Variants in ACSF3 observed in about 807,000 individuals in gnomAD.
The protein encoded by ACSF3 is acyl-CoA synthetase family member 3.
In ACSF3, 78 loss-of-function variants were observed where a neutral mutation model predicts 53.2. That is an observed-to-expected ratio of 1.47 (90% CI 1.22 to 1.77). ACSF3 has a LOEUF of 1.77. ACSF3 is among the 40% of genes most tolerant of loss of function. ACSF3 has a pLI of 0.00. For missense variants in ACSF3, 937 were observed against 771.1 expected (o/e 1.22, Z -2.55); for synonymous variants, 414 against 333.1 (o/e 1.24, Z -2.65).
chr16:89,147,061 C>T (rs1020315566), intron 10 of ACSF3, among the ~76,000 whole-genome samples: 23 of 151,312 alleles, frequency 1.5e-4, no homozygotes, highest in African/African-American at 5.3e-4. Flanking sequence ...GGGGAGGCCT[C>T]AGGAAACTTA....
chr16:89,102,989 T>C (rs1975542087), intron 4 of ACSF3, among the ~76,000 whole-genome samples: 1 of 152,266 alleles, frequency 6.6e-6, no homozygotes, highest in Non-Finnish European at 1.5e-5. Flanking sequence ...GTACCTACGA[T>C]GCTTTTTGCT....
chr16:89,135,021 G>A (rs1247729927), intron 8 of ACSF3, among the ~76,000 whole-genome samples: 3 of 150,828 alleles, frequency 2.0e-5, no homozygotes, highest in Non-Finnish European at 4.4e-5. Context: ...AGATGTGCAC[G>A]TTGCTCCTGA....
chr16:89,106,571 C>T (rs549869579), intron 4 of ACSF3, among the ~76,000 whole-genome samples: 6 of 152,328 alleles, frequency 3.9e-5, no homozygotes, highest in East Asian at 1.9e-4. Flanking sequence ...GGATTACAGA[C>T]GTAAGCCACT....
intron 4 of ACSF3, among the ~76,000 whole-genome samples, chr16:89,103,699 G>A (rs1379821736): frequency 6.6e-6 from 1 of 152,234 alleles, no homozygotes; most frequent in Non-Finnish European, 1.5e-5. Flanking sequence ...TGGCCCAGCT[G>A]GAGAGCTGCT....
intron 7 of ACSF3, among the ~76,000 whole-genome samples, chr16:89,132,511 C>G (rs1344368505): frequency 6.6e-6 from 1 of 152,200 alleles, no homozygotes; most frequent in African/African-American, 2.4e-5. Flanking sequence ...AATAGAAGAA[C>G]AGTGAGGCTG....
At chr16:89,116,349 C>T (rs908926347) in intron 6 of ACSF3, among the ~76,000 whole-genome samples, 7 of 152,088 alleles carry the variant, frequency 4.6e-5, no homozygotes, top group African/African-American at 9.7e-5. Context: ...CTAGGGTAAG[C>T]GTGGACATGG....
chr16:89,140,295 G>A (rs983121827), intron 8 of ACSF3, among the ~76,000 whole-genome samples: 3 of 152,222 alleles, frequency 2.0e-5, no homozygotes, highest in African/African-American at 7.2e-5. Flanking sequence ...AACTGGTGGA[G>A]GCTTTCACGT....
At chr16:89,136,237 G>A (rs1464697262) in intron 8 of ACSF3, among the ~76,000 whole-genome samples, 4 of 152,244 alleles carry the variant, frequency 2.6e-5, no homozygotes, top group Admixed American at 6.5e-5. Context: ...ACTCGCAGTC[G>A]CCAGTGCTGA....
chr16:89,111,145 G>A (rs1281703064), intron 4 of ACSF3, among the ~76,000 whole-genome samples: 1 of 152,224 alleles, frequency 6.6e-6, no homozygotes, highest in African/African-American at 2.4e-5. Flanking sequence ...GCCTTGTCTG[G>A]TGATTCGGAC....
At chr16:89,102,311 C>T in intron 3 of ACSF3, 1 of 464,742 alleles carries the variant, frequency 2.2e-6, no homozygotes, top group South Asian at 2.1e-5. Flanking sequence ...GGGCGGAGCT[C>T]TGTCGACCTG....
chr16:89,140,182 G>A (rs1049746046), intron 8 of ACSF3, among the ~76,000 whole-genome samples: 1 of 152,184 alleles, frequency 6.6e-6, no homozygotes, highest in Non-Finnish European at 1.5e-5. Context: ...CTGCTGGGCG[G>A]TGGCCTGTGC....
chr16:89,138,543 C>T (rs547798230), intron 8 of ACSF3, among the ~76,000 whole-genome samples: 142 of 152,384 alleles, frequency 9.3e-4, no homozygotes, highest in African/African-American at 3.2e-3. Flanking sequence ...CATGCTTGCC[C>T]CAGCCCCTTT....
chr16:89,130,953 G>A (rs957335355), intron 7 of ACSF3, among the ~76,000 whole-genome samples: 2 of 151,856 alleles, frequency 1.3e-5, no homozygotes, highest in Admixed American at 6.6e-5. Context: ...TGTCACGTTC[G>A]TTTCTTCATC....
chr16:89,150,836 C>A, intron 10 of ACSF3: 1 of 490,912 alleles, frequency 2.0e-6, no homozygotes, highest in Non-Finnish European at 3.3e-6. Context: ...CTTGCTGTGC[C>A]CGGCTCAGGC....
chr16:89,133,574 C>T (rs774651883), intron 8 of ACSF3, among the ~76,000 whole-genome samples: 20 of 152,330 alleles, frequency 1.3e-4, no homozygotes, highest in African/African-American at 4.3e-4. Flanking sequence ...TGACCACAGA[C>T]GCCGGGCCCC....
chr16:89,125,000 C>G (rs1030122576), intron 7 of ACSF3, among the ~76,000 whole-genome samples: 1 of 152,158 alleles, frequency 6.6e-6, no homozygotes, highest in African/African-American at 2.4e-5. Context: ...TGTGATTTCA[C>G]CAGCTTTATT....
intron 10 of ACSF3, chr16:89,151,345 C>T: frequency 2.5e-6 from 1 of 395,990 alleles, no homozygotes; most frequent in South Asian, 1.9e-5. Flanking sequence ...CCAGACACAG[C>T]AAAGTAAGTC....
chr16:89,155,724 T>A lies in ACSF3; in HGVS notation c.*1517T>A. ...GGAAATGCCTTCTGTTGGGAAAAGG[T>A]CAAATTTAACATAGCAAAATTTTTA... On this transcript the variant is annotated 3_prime_UTR_variant, in exon 11 of 11. Coordinates refer to ENST00000614302, the MANE Select transcript of ACSF3 (RefSeq NM_001243279.3). The A allele has an allele frequency of 2.2e-6, 1 of 454,150 alleles. No homozygotes were observed. Among genetic ancestry groups the A allele is most frequent in the South Asian group, 1.6e-5 (1 of 64,478 alleles). The allele number at this position is 454,150 out of a possible 1,614,324, so 28.1% of individuals were successfully genotyped here.
At chr16:89,143,217 TCTCAGCCCCGTGCGTAGCTGTGGTGCAGC>T (rs1212333714) in intron 8 of ACSF3, among the ~76,000 whole-genome samples, 11 of 149,038 alleles carry the variant, frequency 7.4e-5, no homozygotes, top group Middle Eastern at 3.4e-3. Flanking sequence ...TTTGGTGCAG[TCTCAGCCCCGTGCGTAGCTGTGGTGCAGC>T]CTCAGCCCCG....
Sources: gnomAD v4.1 joint callset for allele counts (sites outside exome capture counted in the v4.1 genomes callset) on GRCh38, gnomAD v4.1.1 for gene constraint, MANE v1.5 for transcripts, NCBI Gene and HGNC (gene_info 2026-07-23, HGNC 2026-07-21) for gene names.